Variants in ANKRD18B observed in about 807,000 individuals in gnomAD.
ANKRD18B encodes the protein ankyrin repeat domain-containing protein 18B.
Under a neutral mutation model 111.8 loss-of-function variants are expected in ANKRD18B, and 75 were observed. The ratio of observed to expected loss-of-function variants is 0.67; its 90% CI spans 0.56 to 0.81. ANKRD18B has a LOEUF of 0.81. Among genes scored for constraint, ANKRD18B ranks in the 40% least tolerant of loss-of-function variants. The pLI, the probability that ANKRD18B is intolerant of heterozygous loss-of-function variation, is 0.00. For synonymous variants in ANKRD18B, 356 were observed against 417.3 expected, an observed-to-expected ratio of 0.85 and a Z score of 1.79; for missense variants, 1,038 against 1,225.5, an observed-to-expected ratio of 0.85 and a Z score of 2.28.
intron 14 of ANKRD18B, among the ~76,000 whole-genome samples, chr9:33,564,479 G>A (rs904863415): frequency 1.3e-5 from 2 of 152,304 alleles, no homozygotes; most frequent in African/African-American, 4.8e-5. Context: ...TACATTAGCT[G>A]TTGTGAATAG....
rs1179111624 is a variant in ANKRD18B, at chr9:33,567,255, T to C, written c.2895T>C (p.Tyr965=). The C allele has an allele frequency of 6.5e-7, 1 of 1,548,570 alleles. No homozygotes were observed. Among genetic ancestry groups the C allele is most frequent in the Admixed American group, 2.0e-5 (1 of 50,460 alleles). The change falls in exon 16 of 19, where the codon TAT becomes TAC. Residue 965 remains tyrosine, a synonymous_variant. Coordinates refer to ENST00000684830, the MANE Select transcript of ANKRD18B (RefSeq NM_001393611.1). ...ATGTTACAACTGAATTAGAAGAGTATAAGGAAGCCTTTGCAGTAGCATTGA... is the reference window on the plus strand; with the variant it reads ...ATGTTACAACTGAATTAGAAGAGTACAAGGAAGCCTTTGCAGTAGCATTGA... ...YEDVTTELEE[Y]KEAFAVALKA...
chr9:33,572,776 T>G lies in ANKRD18B; in HGVS notation c.*342T>G. ...GAGACTTAAAGAGTATCTGCCAGGT[T>G]TGTCCATACTAGTGTTATGATTTTC... On this transcript the variant is annotated 3_prime_UTR_variant, in exon 19 of 19. Transcript: ENST00000684830. 1 of 976,710 alleles carries G rather than the reference T, an allele frequency of 1.0e-6. No individual in the cohort carries two copies. The highest frequency in any genetic ancestry group is 1.2e-6 in the Non-Finnish European group (1 of 816,192). 60.5% of individuals were successfully genotyped at this position (976,710 alleles called of 1,614,324 possible).
chr9:33,545,778 G>A (rs1238482331), intron 10 of ANKRD18B, among the ~76,000 whole-genome samples: 1 of 152,170 alleles, frequency 6.6e-6, no homozygotes, highest in Non-Finnish European at 1.5e-5. Flanking sequence ...AAGAAAAAAA[G>A]TTCAACTATA....
At chr9:33,545,833 C>T (rs569699812) in intron 10 of ANKRD18B, among the ~76,000 whole-genome samples, 10 of 152,250 alleles carry the variant, frequency 6.6e-5, no homozygotes, top group Middle Eastern at 6.8e-3. Flanking sequence ...TTATCTGATC[C>T]GTTCTGGTTT....
intron 14 of ANKRD18B, among the ~76,000 whole-genome samples, chr9:33,561,158 T>G (rs1828601235): frequency 6.6e-6 from 1 of 152,238 alleles, no homozygotes; most frequent in African/African-American, 2.4e-5. Context: ...CCGGCAGCAT[T>G]GGATAAGGGC....
chr9:33,563,035 T>A (rs1828629557), intron 14 of ANKRD18B, among the ~76,000 whole-genome samples: 1 of 152,192 alleles, frequency 6.6e-6, no homozygotes, highest in Non-Finnish European at 1.5e-5. Context: ...TGCCTTATTA[T>A]CAGAGCTCAT....
At chr9:33,536,471 GT>G (rs1828203274) in intron 5 of ANKRD18B, among the ~76,000 whole-genome samples, 1 of 152,182 alleles carries the variant, frequency 6.6e-6, no homozygotes, top group South Asian at 2.1e-4. Context: ...ATTTAAACAT[GT>G]TTTCTCATTG....
chr9:33,572,709 G>T lies in ANKRD18B; in HGVS notation c.*275G>T. 1 of 1,054,374 alleles carries T rather than the reference G, an allele frequency of 9.5e-7. No homozygotes were observed. The highest frequency in any genetic ancestry group is 1.1e-6 in the Non-Finnish European group (1 of 874,338). The allele number at this position is 1,054,374 out of a possible 1,614,324, so 65.3% of individuals were successfully genotyped here. ...AGTCATCATTGATACTGTAGTAAAG[G>T]TCATCTTTGCATTTTACACTTTTTA... On this transcript the variant is annotated 3_prime_UTR_variant, in exon 19 of 19. Transcript: ENST00000684830.
chr9:33,574,134 G>T, downstream of ANKRD18B, among the ~76,000 whole-genome samples: 1 of 143,598 alleles, frequency 7.0e-6, no homozygotes, highest in Non-Finnish European at 1.6e-5. Flanking sequence ...GCAGCAACCT[G>T]GTAAATTGTG....
chr9:33,570,456 G>A (rs867191637), intron 17 of ANKRD18B, among the ~76,000 whole-genome samples: 56 of 145,218 alleles, frequency 3.9e-4, no homozygotes, highest in African/African-American at 4.1e-4. Context: ...ATACAAACTA[G>A]AAAAAAAAAA....
intron 7 of ANKRD18B, 79 bp from the exon 8 acceptor site, chr9:33,539,999 T>A (rs916904013): frequency 1.3e-5 from 2 of 151,418 alleles, no homozygotes; most frequent in Non-Finnish European, 2.9e-5. Context: ...TTTCTTCACA[T>A]GTGTCTTTTA....
intron 9 of ANKRD18B, among the ~76,000 whole-genome samples, chr9:33,542,360 ATTTTGAGCCTTTTTT>A (rs1828291628): frequency 7.0e-6 from 1 of 142,940 alleles, no homozygotes; most frequent in Non-Finnish European, 1.5e-5. Context: ...TTCACATAGA[ATTTTGAGCCTTTTTT>A]CCTTTTTTTT....
chr9:33,543,121 A>G (rs1828303830), intron 9 of ANKRD18B, 64 bp from the exon 10 acceptor site: 1 of 1,384,174 alleles, frequency 7.2e-7, no homozygotes, highest in Non-Finnish European at 9.9e-7. Flanking sequence ...TTTTGTATCA[A>G]TTTTTATAAA....
chr9:33,571,211 A>T, intron 17 of ANKRD18B, 35 bp from the exon 18 acceptor site: 1 of 870,956 alleles, frequency 1.1e-6, no homozygotes, highest in South Asian at 4.0e-5. Context: ...GTTTAACTTA[A>T]ACATTATTAT....
intron 18 of ANKRD18B, chr9:33,572,087 C>G (rs939943283): frequency 9.6e-6 from 5 of 521,706 alleles, no homozygotes; most frequent in Non-Finnish European, 1.7e-5. Flanking sequence ...TACCTTAGCA[C>G]GTGGCTGTTG....
chr9:33,563,662 T>G (rs1377378135), intron 14 of ANKRD18B, among the ~76,000 whole-genome samples: 2 of 150,766 alleles, frequency 1.3e-5, no homozygotes, highest in Non-Finnish European at 3.0e-5. Context: ...TTAATTGACA[T>G]GTATATACAT....
intron 13 of ANKRD18B, among the ~76,000 whole-genome samples, chr9:33,556,478 G>C (rs1374630782): frequency 6.6e-6 from 1 of 152,114 alleles, no homozygotes; most frequent in Non-Finnish European, 1.5e-5. Flanking sequence ...TGGTCAGGCT[G>C]GTCTCGAACT....
At chr9:33,533,347 T>G in intron 3 of ANKRD18B, 92 bp from the exon 4 acceptor site, 3 of 1,499,660 alleles carry the variant, frequency 2.0e-6, no homozygotes, top group Non-Finnish European at 2.7e-6. Context: ...CTATATTGCA[T>G]GTTTAAGTTC....
intron 15 of ANKRD18B, 125 bp downstream of exon 15, chr9:33,566,625 G>A (rs142302680): frequency 0.014 from 16,454 of 1,201,128 alleles, 145 homozygotes; most frequent in Non-Finnish European, 0.017. Flanking sequence ...CCTTTGTAGA[G>A]CTCTAGAAAA....
Sources: allele counts gnomAD v4.1 joint callset (sites outside exome capture counted in the v4.1 genomes callset), GRCh38; gene constraint gnomAD v4.1.1; transcripts MANE v1.5; gene names NCBI Gene and HGNC (gene_info 2026-07-23, HGNC 2026-07-21).